The following PARD3B variants were observed in gnomAD, a reference collection of about 807,000 sequenced individuals.
PARD3B encodes partitioning defective 3 homolog B.
A neutral mutation model predicts 130.2 loss-of-function variants in PARD3B; 103 were observed. That is an observed-to-expected ratio of 0.79 (90% confidence interval 0.67 to 0.93). PARD3B has a LOEUF of 0.93. Ranked by LOEUF, PARD3B falls within the 40% of genes least tolerant of loss-of-function variation. The pLI is 0.00. For missense variants in PARD3B, 1,609 were observed against 1,499.2 expected, an observed-to-expected ratio of 1.07 and a Z score of -1.21; for synonymous variants, 583 against 553.2, an observed-to-expected ratio of 1.05 and a Z score of -0.76.
intron 2 of PARD3B, among the ~76,000 whole-genome samples, chr2:204,898,659 C>G (rs543517155): frequency 6.6e-6 from 1 of 152,290 alleles, no homozygotes; most frequent in South Asian, 2.1e-4. Flanking sequence ...TGAAGATTAA[C>G]TCCAGTATTT....
chr2:204,976,979 A>G lies in PARD3B; in HGVS notation c.394+11656A>G, dbSNP rs117745470. ...CCACTTTCAACTTTCAACCCATAAGATCATGTTCTCTCTTTTTCACGAATT... is the reference window on the plus strand; with the variant it reads ...CCACTTTCAACTTTCAACCCATAAGGTCATGTTCTCTCTTTTTCACGAATT... On this transcript the variant is annotated intron_variant, in intron 3 of 22. Transcript: ENST00000406610. Among the ~76,000 whole-genome samples, 150 of 152,128 alleles carry G rather than the reference A, an allele frequency of 9.9e-4. 4 individuals are homozygous for G. The East Asian group carries it at 0.014, about 15-fold the overall frequency.
At chr2:205,083,493 A>G (rs1298188200) in intron 4 of PARD3B, among the ~76,000 whole-genome samples, 1 of 152,066 alleles carries the variant, frequency 6.6e-6, no homozygotes, top group Non-Finnish European at 1.5e-5. Context: ...TAAAAACCTA[A>G]ACATCTTCCT....
At chr2:205,610,089 G>T (rs2055176549) in intron 22 of PARD3B, among the ~76,000 whole-genome samples, 1 of 152,224 alleles carries the variant, frequency 6.6e-6, no homozygotes, top group African/African-American at 2.4e-5. Context: ...TGGAAGGAAA[G>T]GGTGTTGAGT....
At chr2:204,947,567 TCCC>T (rs1689433175) in intron 2 of PARD3B, among the ~76,000 whole-genome samples, 2 of 78,488 alleles carry the variant, frequency 2.5e-5, no homozygotes, top group Non-Finnish European at 5.8e-5. Context: ...CTCCCCTCCC[TCCC>T]CTCCCTCTCT....
At chr2:205,064,676 A>G (rs371918579) in intron 4 of PARD3B, among the ~76,000 whole-genome samples, 4 of 152,192 alleles carry the variant, frequency 2.6e-5, no homozygotes, top group South Asian at 2.1e-4. Context: ...AATAATCAGT[A>G]TTGGCAGTGA....
intron 20 of PARD3B, among the ~76,000 whole-genome samples, chr2:205,489,223 A>G (rs1346061155): frequency 1.3e-5 from 2 of 152,106 alleles, no homozygotes; most frequent in East Asian, 1.9e-4. Flanking sequence ...AAAATTGACA[A>G]AATGCCTTGA....
At chr2:205,238,892 A>G (rs555294395) in intron 15 of PARD3B, among the ~76,000 whole-genome samples, 1,392 of 114,170 alleles carry the variant, frequency 0.012, 52 homozygotes, top group Middle Eastern at 0.033. Flanking sequence ...GTGTGTATAT[A>G]TATATATATA....
chr2:205,052,920 C>A (rs1005386610), intron 4 of PARD3B, among the ~76,000 whole-genome samples: 1 of 151,954 alleles, frequency 6.6e-6, no homozygotes. Flanking sequence ...GGACACAGAC[C>A]GGTGGAGGGA....
At chr2:204,732,091 T>A (rs906943530) in intron 2 of PARD3B, among the ~76,000 whole-genome samples, 3 of 152,116 alleles carry the variant, frequency 2.0e-5, no homozygotes, top group Non-Finnish European at 2.9e-5. Context: ...TGGTTTTTTT[T>A]TTTTTGTATA....
intron 2 of PARD3B, among the ~76,000 whole-genome samples, chr2:204,690,555 C>G (rs1393260230): frequency 6.6e-6 from 1 of 152,172 alleles, no homozygotes; most frequent in East Asian, 1.9e-4. Context: ...GAAGGTGCCA[C>G]CAGCGAAGAA....
At chr2:205,372,646 T>C (rs1044262704) in intron 18 of PARD3B, among the ~76,000 whole-genome samples, 4 of 152,232 alleles carry the variant, frequency 2.6e-5, no homozygotes, top group African/African-American at 4.8e-5. Context: ...ACTAAATGAC[T>C]CTGAATATTT....
chr2:205,595,385 T>G (rs1009100632), intron 22 of PARD3B, among the ~76,000 whole-genome samples: 3 of 152,220 alleles, frequency 2.0e-5, no homozygotes, highest in Non-Finnish European at 4.4e-5. Flanking sequence ...GTAAATAACA[T>G]TTTATTGGGT....
At position 205,378,927 on chromosome 2, in the gene PARD3B, G is replaced by T. The variant is rs563677491; in HGVS notation, c.2631-22086G>T. On this transcript the variant is annotated intron_variant, in intron 18 of 22. Transcript: ENST00000406610. Reference sequence around the variant, plus strand: ...TTACAGGTGTGAGCCACCATGCCTGGCCTTTTTTTTTTCTTTCTTTTTTAA... The same window carrying T: ...TTACAGGTGTGAGCCACCATGCCTGTCCTTTTTTTTTTCTTTCTTTTTTAA... Among the ~76,000 whole-genome samples, 4 of 151,744 alleles carry T rather than the reference G, an allele frequency of 2.6e-5. No individual in the cohort carries two copies. In the South Asian group the frequency reaches 8.3e-4, roughly 32 times the overall value.
intron 2 of PARD3B, among the ~76,000 whole-genome samples, chr2:204,941,256 C>G (rs75774924): frequency 6.6e-6 from 1 of 152,156 alleles, no homozygotes; most frequent in African/African-American, 2.4e-5. Flanking sequence ...TGCCCATAGT[C>G]CCGGCTATTC....
chr2:204,785,952 A>C (rs1006042544), intron 2 of PARD3B, among the ~76,000 whole-genome samples: 5 of 151,854 alleles, frequency 3.3e-5, no homozygotes, highest in Non-Finnish European at 5.9e-5. Flanking sequence ...ATCTCTACTA[A>C]AAATACAAAA....
At chr2:205,107,894 G>C (rs1703338893) in intron 5 of PARD3B, among the ~76,000 whole-genome samples, 1 of 152,146 alleles carries the variant, frequency 6.6e-6, no homozygotes, top group South Asian at 2.1e-4. Context: ...TCTTTAAATA[G>C]CAAGCAATAT....
At chr2:205,136,941 A>C (rs1022151650) in intron 10 of PARD3B, among the ~76,000 whole-genome samples, 1 of 152,188 alleles carries the variant, frequency 6.6e-6, no homozygotes, top group African/African-American at 2.4e-5. Context: ...TCAAATATTT[A>C]TTGAATGTTT....
chr2:204,845,058 C>T lies in PARD3B; in HGVS notation c.223-120094C>T, dbSNP rs1052021200. ...TTAAAAGAGGAAAATGTATCCTGCACGCTGAGGATTACCTATGGCTAAATG... is the reference window on the plus strand; with the variant it reads ...TTAAAAGAGGAAAATGTATCCTGCATGCTGAGGATTACCTATGGCTAAATG... On this transcript the variant is annotated intron_variant, in intron 2 of 22. Coordinates refer to ENST00000406610, the MANE Select transcript of PARD3B (RefSeq NM_001302769.2). 8.6e-5 allele frequency among the ~76,000 whole-genome samples: 13 copies of T among 152,028 alleles called. 1 individual carries two copies. The highest frequency in any genetic ancestry group is 1.7e-4 in the African/African-American group (7 of 41,380).
chr2:204,855,987 T>C (rs2044919995), intron 2 of PARD3B, among the ~76,000 whole-genome samples: 1 of 152,222 alleles, frequency 6.6e-6, no homozygotes, highest in African/African-American at 2.4e-5. Context: ...TCTTGGCTAT[T>C]TTTGAATAAT....
Sources: allele counts gnomAD v4.1 joint callset (sites outside exome capture counted in the v4.1 genomes callset), GRCh38; gene constraint gnomAD v4.1.1; transcripts MANE v1.5; gene names NCBI Gene and HGNC (gene_info 2026-07-23, HGNC 2026-07-21).